Variants in TFB1M observed in about 807,000 individuals in gnomAD.
The protein encoded by TFB1M is transcription factor B1, mitochondrial, also known as dimethyladenosine transferase 1, mitochondrial.
A neutral mutation model predicts 31.1 loss-of-function variants in TFB1M; 27 were observed. The ratio of observed to expected loss-of-function variants is 0.87; its 90% CI spans 0.64 to 1.20. The LOEUF (loss-of-function observed/expected upper bound fraction) is 1.20, where lower values mean the gene tolerates loss of function less well. Among genes scored for constraint, TFB1M ranks in the 50% most tolerant of loss-of-function variants. The pLI is 0.00. For missense variants in TFB1M, 394 were observed against 418.7 expected (o/e 0.94, Z 0.51); for synonymous variants, 166 against 151.8 (o/e 1.09, Z -0.69).
intron 5 of TFB1M, among the ~76,000 whole-genome samples, chr6:155,271,976 C>G (rs1784940342): frequency 6.6e-6 from 1 of 152,180 alleles, no homozygotes; most frequent in Non-Finnish European, 1.5e-5. Flanking sequence ...GATGGAGAAC[C>G]TGGTATTTAT....
At chr6:155,248,068 C>G in the TFB1M span, 2 of 1,614,238 alleles carry the variant, frequency 1.2e-6, no homozygotes, top group African/African-American at 1.3e-5. Flanking sequence ...TTCCTCCACG[C>G]TGGAGTCCTA....
At chr6:155,237,035 A>G in the TFB1M span, among the ~76,000 whole-genome samples, 1 of 152,206 alleles carries the variant, frequency 6.6e-6, no homozygotes, top group African/African-American at 2.4e-5. Context: ...ACAGTCTAAA[A>G]TCTCATCCCA....
downstream of TFB1M, chr6:155,255,337 C>T (rs1206550329): frequency 3.3e-5 from 5 of 152,126 alleles, no homozygotes; most frequent in Admixed American, 6.5e-5. Context: ...TTTCAAATCA[C>T]GTTGTTCTTT....
intron 5 of TFB1M, among the ~76,000 whole-genome samples, chr6:155,273,744 T>C (rs1785046653): frequency 6.6e-6 from 1 of 152,166 alleles, no homozygotes; most frequent in Admixed American, 6.5e-5. Context: ...GAGAGAGATC[T>C]GGACGCTGCA....
the TFB1M span, chr6:155,250,906 A>C: frequency 6.2e-6 from 10 of 1,613,950 alleles, no homozygotes; most frequent in Admixed American, 1.7e-4. Context: ...CTGTTTTTAC[A>C]ATCTAGGTAA....
chr6:155,255,099 C>T (rs536834678), downstream of TFB1M: 2 of 153,888 alleles, frequency 1.3e-5, no homozygotes, highest in African/African-American at 4.8e-5. Flanking sequence ...AGATACTCAA[C>T]ACTTAATTAT....
intron 6 of TFB1M, among the ~76,000 whole-genome samples, chr6:155,259,388 C>T (rs1314103712): frequency 3.3e-5 from 5 of 152,236 alleles, no homozygotes; most frequent in African/African-American, 1.2e-4. Flanking sequence ...CAGGCTGAGG[C>T]TCCAGCTTCT....
chr6:155,248,350 C>T, the TFB1M span, among the ~76,000 whole-genome samples: 2 of 152,346 alleles, frequency 1.3e-5, no homozygotes, highest in Non-Finnish European at 1.5e-5. Context: ...GTGAAACTAG[C>T]TAGGCGTCTG....
intron 5 of TFB1M, 105 bp from the exon 6 acceptor site, chr6:155,260,505 G>C (rs1462638042): frequency 1.1e-5 from 16 of 1,462,220 alleles, no homozygotes; most frequent in Non-Finnish European, 1.5e-5. Flanking sequence ...TCAACAGCCT[G>C]TTTTCATAAA....
chr6:155,289,951 T>C (rs567522167), intron 4 of TFB1M, among the ~76,000 whole-genome samples: 1 of 152,340 alleles, frequency 6.6e-6, no homozygotes, highest in African/African-American at 2.4e-5. Flanking sequence ...GCTTCCCCTT[T>C]GCCTTCTGCC....
At chr6:155,250,290 CCTT>C in the TFB1M span, among the ~76,000 whole-genome samples, 3 of 123,318 alleles carry the variant, frequency 2.4e-5, no homozygotes, top group East Asian at 6.0e-4. Context: ...TTTGATTTTG[CCTT>C]TTTTTTTTTT....
the TFB1M span, among the ~76,000 whole-genome samples, chr6:155,247,618 G>A: frequency 2.0e-5 from 3 of 152,246 alleles, no homozygotes; most frequent in Non-Finnish European, 2.9e-5. Flanking sequence ...GTGAGCCACC[G>A]CACCTGGCCA....
chr6:155,240,677 G>A, the TFB1M span: 1 of 1,613,482 alleles, frequency 6.2e-7, no homozygotes, highest in Non-Finnish European at 8.5e-7. Context: ...AGTCATCCAG[G>A]AGCTTGTGGA....
intron 2 of TFB1M, among the ~76,000 whole-genome samples, chr6:155,307,646 C>T (rs1315562169): frequency 6.6e-6 from 1 of 152,096 alleles, no homozygotes; most frequent in Non-Finnish European, 1.5e-5. Flanking sequence ...CTGTGATAAA[C>T]TCTCCATAAA....
At chr6:155,260,461 T>C in intron 5 of TFB1M, 61 bp from the exon 6 acceptor site, 2 of 1,609,146 alleles carry the variant, frequency 1.2e-6, no homozygotes, top group Non-Finnish European at 1.7e-6. Context: ...GTGTGATCAA[T>C]CAACTCATCC....
intron 2 of TFB1M, among the ~76,000 whole-genome samples, chr6:155,301,390 A>G (rs1158550914): frequency 6.6e-6 from 1 of 152,242 alleles, no homozygotes; most frequent in Non-Finnish European, 1.5e-5. Flanking sequence ...ATATTAGGCA[A>G]TAACACATGA....
At position 155,256,467 on chromosome 6, in the gene TFB1M, T is replaced by C; in HGVS notation, c.*1369A>G. ...CCTGTTTCTGTATCACAGCGAAATG[T>C]GTTTTTCTCACTGTAGCTTCATCCA... On this transcript the variant is annotated 3_prime_UTR_variant, in exon 7 of 7. Coordinates refer to ENST00000367166, the MANE Select transcript of TFB1M (RefSeq NM_016020.4). The C allele has an allele frequency of 6.2e-7, 1 of 1,614,060 alleles. No homozygotes were observed. Among genetic ancestry groups the C allele is most frequent in the African/African-American group, 1.3e-5 (1 of 75,054 alleles).
rs1562426119 is a variant in TFB1M at position 155,305,699 on chromosome 6, A to AT, written c.285+5488_285+5489insA. Among the ~76,000 whole-genome samples, 31 of 46,460 alleles carry AT rather than the reference A, an allele frequency of 6.7e-4. 3 individuals are homozygous for AT. Among genetic ancestry groups the AT allele is most frequent in the African/African-American group, 2.4e-3 (30 of 12,720 alleles). The allele number at this position is 46,460 out of a possible 152,430, so 30.5% of individuals were successfully genotyped here. ...TATATTAAATTATATATTTATATATAAATATATATTAAATTATATATTTAT... is the reference window on the plus strand; with the variant it reads ...TATATTAAATTATATATTTATATATATAATATATATTAAATTATATATTTAT... On this transcript the variant is annotated intron_variant, in intron 2 of 6. Coordinates refer to ENST00000367166, the MANE Select transcript of TFB1M (RefSeq NM_016020.4).
chr6:155,286,733 T>C (rs147912595), intron 4 of TFB1M, among the ~76,000 whole-genome samples: 100 of 151,116 alleles, frequency 6.6e-4, no homozygotes, highest in African/African-American at 2.4e-3. Flanking sequence ...TTCCAGTGCT[T>C]TGGGAAGCCA....
Sources: gnomAD v4.1 joint callset for allele counts (sites outside exome capture counted in the v4.1 genomes callset) on GRCh38, gnomAD v4.1.1 for gene constraint, MANE v1.5 for transcripts, NCBI Gene and HGNC (gene_info 2026-07-23, HGNC 2026-07-21) for gene names.